Variants in ESYT2 observed in about 807,000 individuals in gnomAD.
ESYT2 encodes extended synaptotagmin-2.
Under a neutral mutation model 107.2 loss-of-function variants are expected in ESYT2, and 54 were observed. The observed-to-expected ratio is 0.50, with a 90% CI of 0.40 to 0.63. The LOEUF (loss-of-function observed/expected upper bound fraction) is 0.63, where lower values mean the gene tolerates loss of function less well. Ranked by LOEUF, ESYT2 falls within the 30% of genes least tolerant of loss-of-function variation. The pLI, the probability that ESYT2 is intolerant of heterozygous loss-of-function variation, is 0.00. For missense variants in ESYT2, 1,020 were observed against 1,094.5 expected (o/e 0.93, Z 0.96); for synonymous variants, 491 against 434.1 (o/e 1.13, Z -1.63).
intron 15 of ESYT2, among the ~76,000 whole-genome samples, chr7:158,748,909 G>C (rs773881103): frequency 6.6e-6 from 1 of 151,476 alleles, no homozygotes; most frequent in African/African-American, 2.4e-5. Flanking sequence ...TGTAAGGAAA[G>C]TAGAACATAT....
intron 9 of ESYT2, 48 bp downstream of exon 9, chr7:158,764,629 C>A (rs766772250): frequency 6.3e-7 from 1 of 1,589,630 alleles, no homozygotes; most frequent in Non-Finnish European, 8.6e-7. Context: ...CCATCCCGCT[C>A]AGGGCTCAGC....
intron 1 of ESYT2, among the ~76,000 whole-genome samples, chr7:158,811,890 G>T (rs1343519775): frequency 6.6e-6 from 1 of 152,206 alleles, no homozygotes; most frequent in Non-Finnish European, 1.5e-5. Context: ...CTTTCAAGAG[G>T]AATTTGCTAA....
At chr7:158,770,950 AC>A (rs1838346118) in intron 7 of ESYT2, among the ~76,000 whole-genome samples, 2 of 152,176 alleles carry the variant, frequency 1.3e-5, no homozygotes, top group African/African-American at 4.8e-5. Flanking sequence ...GGGGGTTGAC[AC>A]CAGCCTGAGA....
intron 11 of ESYT2, among the ~76,000 whole-genome samples, chr7:158,760,806 A>C (rs1760241790): frequency 6.6e-6 from 1 of 152,220 alleles, no homozygotes; most frequent in Admixed American, 6.5e-5. Context: ...TCAAATGCTA[A>C]ATGATAGAAG....
At chr7:158,802,440 G>A (rs933595801) in intron 1 of ESYT2, among the ~76,000 whole-genome samples, 3 of 152,158 alleles carry the variant, frequency 2.0e-5, no homozygotes, top group Admixed American at 1.3e-4. Context: ...GCCACCACAA[G>A]TGGCTAATTT....
intron 13 of ESYT2, among the ~76,000 whole-genome samples, chr7:158,756,007 A>G (rs1250653947): frequency 6.6e-5 from 10 of 152,344 alleles, no homozygotes; most frequent in African/African-American, 9.6e-5. Context: ...CTATAACTTA[A>G]AAATATAATT....
At chr7:158,739,920 G>T (rs1010067167) in intron 18 of ESYT2, among the ~76,000 whole-genome samples, 1 of 140,618 alleles carries the variant, frequency 7.1e-6, no homozygotes, top group Non-Finnish European at 1.5e-5. Context: ...CTGGGGCCAT[G>T]CCAGGCAAGG....
At position 158,829,388 on chromosome 7, in the gene ESYT2, C is replaced by T. The variant is rs1840564866; in HGVS notation, c.31G>A (p.Ala11Thr). The T allele has an allele frequency of 1.6e-6, 2 of 1,227,964 alleles. No homozygotes were observed. Among genetic ancestry groups the T allele is most frequent in the South Asian group, 7.1e-5 (2 of 28,340 alleles). The allele number at this position is 1,227,964 out of a possible 1,614,324, so 76.1% of individuals were successfully genotyped here. The change falls in exon 1 of 23, where the codon GCG becomes ACG. Residue 11 changes from alanine to threonine, a missense_variant. By Grantham distance (58) the Ala-to-Thr change is moderately conservative. Transcript: ENST00000275418. ...CGGCCCCCAGCCCCGCCGGCGCCCGCCTCCGGGCCCTCGCCCCGGGCGCCG... is the reference window on the plus strand; with the variant it reads ...CGGCCCCCAGCCCCGCCGGCGCCCGTCTCCGGGCCCTCGCCCCGGGCGCCG... The part of the protein sequence containing the change: MSGARGEGPE[A>T]GAGGAGGRAA...
intron 1 of ESYT2, among the ~76,000 whole-genome samples, chr7:158,811,689 C>T (rs1273363253): frequency 6.6e-6 from 1 of 152,138 alleles, no homozygotes; most frequent in African/African-American, 2.4e-5. Flanking sequence ...TATGGCTGTT[C>T]TCCTTCAAGG....
intron 16 of ESYT2, among the ~76,000 whole-genome samples, chr7:158,747,219 G>A (rs946061103): frequency 6.8e-5 from 10 of 147,998 alleles, no homozygotes; most frequent in Admixed American, 1.4e-4. Flanking sequence ...GTGGTGGCGC[G>A]CACCTGTAAT....
At chr7:158,821,889 C>T (rs926972719) in intron 1 of ESYT2, among the ~76,000 whole-genome samples, 2 of 152,214 alleles carry the variant, frequency 1.3e-5, no homozygotes, top group African/African-American at 2.4e-5. Flanking sequence ...AGTAGAATCT[C>T]TTCCCTAGCA....
In ESYT2 at chr7:158,762,432, G is replaced by A. The variant is rs543397797; in HGVS notation, c.1184+651C>T. Among the ~76,000 whole-genome samples the A allele has an allele frequency of 4.6e-5, 7 of 152,268 alleles. No homozygotes were observed. The South Asian group carries it at 1.2e-3, about 27-fold the overall frequency. On this transcript the variant is annotated intron_variant, in intron 10 of 22. Coordinates refer to ENST00000275418, the MANE Select transcript of ESYT2 (RefSeq NM_001367773.1). ...GAACTCTCAAGTCAGGCCACAACGT[G>A]CAAGGGCCATTCTTGATGAGGTATG...
At chr7:158,828,481 C>T (rs1034805423) in intron 1 of ESYT2, among the ~76,000 whole-genome samples, 3 of 152,204 alleles carry the variant, frequency 2.0e-5, no homozygotes, top group African/African-American at 7.2e-5. Flanking sequence ...GCGCCAAGCC[C>T]GGTACCTGCC....
chr7:158,777,534 G>A (rs1355718686), intron 6 of ESYT2, among the ~76,000 whole-genome samples: 1 of 152,094 alleles, frequency 6.6e-6, no homozygotes, highest in Non-Finnish European at 1.5e-5. Flanking sequence ...TGTTTCTCCT[G>A]GACACTCTCT....
At chr7:158,828,756 G>A (rs555410906) in intron 1 of ESYT2, among the ~76,000 whole-genome samples, 70 of 152,166 alleles carry the variant, frequency 4.6e-4, no homozygotes, top group Non-Finnish European at 8.1e-4. Flanking sequence ...GCCGGAGGCC[G>A]GGGCGGGGCT....
intron 1 of ESYT2, among the ~76,000 whole-genome samples, chr7:158,827,179 G>GAAAAGA (rs1235640002): frequency 7.5e-6 from 1 of 133,268 alleles, no homozygotes; most frequent in African/African-American, 3.0e-5. Context: ...AAAAAAAAAA[G>GAAAAGA]AAAAGAAAAA....
chr7:158,743,697 A>T lies in ESYT2; in HGVS notation c.1645-19T>A. On this transcript the variant is annotated intron_variant, in intron 16 of 22. Coordinates refer to ENST00000275418, the MANE Select transcript of ESYT2 (RefSeq NM_001367773.1). ...CTCTGACCTGCAAAACACAGGGTGG[A>T]AACACTGGCATAACTAGGATCATGT... 1 of 1,596,562 alleles carries T rather than the reference A, an allele frequency of 6.3e-7. No homozygotes were observed. Among genetic ancestry groups the T allele is most frequent in the East Asian group, 2.3e-5 (1 of 43,410 alleles).
chr7:158,805,962 C>T (rs1839813463), intron 1 of ESYT2, among the ~76,000 whole-genome samples: 1 of 152,212 alleles, frequency 6.6e-6, no homozygotes, highest in Admixed American at 6.5e-5. Flanking sequence ...GGACTCTTGC[C>T]ACGAAAGGAA....
chr7:158,748,364 A>G (rs1837474144), intron 15 of ESYT2, 84 bp from the exon 16 acceptor site: 8 of 1,098,432 alleles, frequency 7.3e-6, no homozygotes, highest in Non-Finnish European at 1.1e-5. Flanking sequence ...GCTTAGAATG[A>G]AAAATAAAAA....
Sources: gnomAD v4.1 joint callset for allele counts (sites outside exome capture counted in the v4.1 genomes callset) on GRCh38, gnomAD v4.1.1 for gene constraint, MANE v1.5 for transcripts, NCBI Gene and HGNC (gene_info 2026-07-23, HGNC 2026-07-21) for gene names.